Variants in GRIK3 observed in about 807,000 individuals in gnomAD.
GRIK3 encodes the protein glutamate receptor ionotropic, kainate 3.
Under a neutral mutation model 102.5 loss-of-function variants are expected in GRIK3, and 29 were observed. The observed-to-expected ratio is 0.28, with a 90% CI of 0.21 to 0.39. The LOEUF is 0.39. GRIK3 is among the 10% of genes least tolerant of loss of function. The pLI is 1.00. For synonymous variants in GRIK3, 511 were observed against 504.9 expected, an observed-to-expected ratio of 1.01 and a Z score of -0.16; for missense variants, 908 against 1,252.4, an observed-to-expected ratio of 0.73 and a Z score of 4.15.
intron 1 of GRIK3, among the ~76,000 whole-genome samples, chr1:36,948,130 C>T (rs1320547381): frequency 6.6e-6 from 1 of 152,108 alleles, no homozygotes; most frequent in Non-Finnish European, 1.5e-5. Flanking sequence ...CCCCATGCAA[C>T]ACCTGGTATC....
intron 11 of GRIK3, among the ~76,000 whole-genome samples, chr1:36,823,433 C>T (rs1438756442): frequency 7.7e-6 from 1 of 130,674 alleles, no homozygotes; most frequent in Non-Finnish European, 1.5e-5. Flanking sequence ...GAGATCATGC[C>T]ACTGCACTCC....
chr1:36,970,493 T>C (rs928301593), intron 1 of GRIK3, among the ~76,000 whole-genome samples: 2 of 152,208 alleles, frequency 1.3e-5, no homozygotes, highest in Non-Finnish European at 2.9e-5. Flanking sequence ...TTGCCCACCA[T>C]TGGAAGCTCA....
intron 1 of GRIK3, among the ~76,000 whole-genome samples, chr1:36,912,045 C>T (rs568766523): frequency 6.6e-6 from 1 of 152,310 alleles, no homozygotes; most frequent in South Asian, 2.1e-4. Flanking sequence ...TCAGCGTCCA[C>T]TCTTCCAGGC....
intron 1 of GRIK3, among the ~76,000 whole-genome samples, chr1:36,914,065 T>C (rs1641374198): frequency 6.6e-6 from 1 of 152,082 alleles, no homozygotes; most frequent in South Asian, 2.1e-4. Flanking sequence ...ACCAGGGAGG[T>C]CCCACACTGC....
intron 1 of GRIK3, among the ~76,000 whole-genome samples, chr1:36,946,024 G>A (rs751782266): frequency 1.3e-5 from 2 of 152,244 alleles, no homozygotes; most frequent in Non-Finnish European, 2.9e-5. Context: ...CCATGAGAAT[G>A]ACTGACAGAA....
rs74477156 is a variant in GRIK3, at chr1:36,900,207, A to G, written c.116-9111T>C. Reference sequence around the variant, plus strand: ...GAAATCATATAATGTCTACTCTTAGACCACCGTGGAATTAAACTAGAAATC... The same window carrying G: ...GAAATCATATAATGTCTACTCTTAGGCCACCGTGGAATTAAACTAGAAATC... On this transcript the variant is annotated intron_variant, in intron 1 of 15. Transcript: ENST00000373091. Among the ~76,000 whole-genome samples, 811 of 152,312 alleles carry G rather than the reference A, an allele frequency of 5.3e-3. 2 individuals carry two copies. The highest frequency in any genetic ancestry group is 0.019 in the African/African-American group (772 of 41,554).
intron 9 of GRIK3, among the ~76,000 whole-genome samples, chr1:36,843,977 T>G (rs1376720077): frequency 7.2e-5 from 11 of 152,354 alleles, no homozygotes; most frequent in East Asian, 1.9e-4. Context: ...GGATGGGCAG[T>G]GGAAGACCCG....
rs1357537924 is a variant in GRIK3 at position 36,806,634 on chromosome 1, A to C, written c.2092-308T>G. ...ATTTTCTTTCTCTAAAATTTATTAA[A>C]AGTTAGCACGTTCAGGCTTTGTTCT... On this transcript the variant is annotated intron_variant, in intron 13 of 15. Transcript: ENST00000373091. This position sits in a 1 kb window ranked among gnomAD's most constrained non-coding sequence, Gnocchi z 4.0. Among the ~76,000 whole-genome samples, 2 of 152,186 alleles carry C rather than the reference A, an allele frequency of 1.3e-5. No individual in the cohort carries two copies. The highest frequency in any genetic ancestry group is 2.9e-5 in the Non-Finnish European group (2 of 68,030).
chr1:36,997,485 T>C (rs1169631017), intron 1 of GRIK3, among the ~76,000 whole-genome samples: 1 of 152,186 alleles, frequency 6.6e-6, no homozygotes, highest in African/African-American at 2.4e-5. Flanking sequence ...GAGAGGGAGC[T>C]GGCCCCCCTA....
intron 1 of GRIK3, among the ~76,000 whole-genome samples, chr1:37,009,334 C>T (rs959729848): frequency 2.0e-5 from 3 of 152,160 alleles, no homozygotes; most frequent in African/African-American, 4.8e-5. Flanking sequence ...GAAACTGAGG[C>T]CTGGGCAAGC....
chr1:36,814,558 A>G (rs1446764275), intron 13 of GRIK3, among the ~76,000 whole-genome samples: 1 of 139,344 alleles, frequency 7.2e-6, no homozygotes, highest in Non-Finnish European at 1.5e-5. Flanking sequence ...GGGCCATTAT[A>G]CACACATACA....
Position 37,002,322 on chromosome 1 carries a change from G to A in GRIK3, c.115+31672C>T, listed in dbSNP as rs1244798707. On this transcript the variant is annotated intron_variant, in intron 1 of 15. Coordinates refer to ENST00000373091, the MANE Select transcript of GRIK3 (RefSeq NM_000831.4). Reference sequence around the variant, plus strand: ...ATGATGGCTGCTCTAAATTAAATGAGAGTTTCCTCCAACCCAACAACCAGC... The same window carrying A: ...ATGATGGCTGCTCTAAATTAAATGAAAGTTTCCTCCAACCCAACAACCAGC... Among the ~76,000 whole-genome samples, 6 of 152,186 alleles carry A rather than the reference G, an allele frequency of 3.9e-5. 1 individual carries two copies. The highest frequency in any genetic ancestry group is 7.2e-5 in the African/African-American group (3 of 41,450).
At chr1:37,017,549 C>T (rs577030424) in intron 1 of GRIK3, among the ~76,000 whole-genome samples, 13 of 152,170 alleles carry the variant, frequency 8.5e-5, no homozygotes, top group East Asian at 1.9e-4. Context: ...TCAGGGAGCT[C>T]GGAAAACCTG....
intron 9 of GRIK3, among the ~76,000 whole-genome samples, chr1:36,845,308 T>C (rs756104013): frequency 6.6e-6 from 1 of 152,242 alleles, no homozygotes; most frequent in Non-Finnish European, 1.5e-5. Flanking sequence ...CACGCTCTTC[T>C]ATTGCTCTGG....
chr1:36,860,573 G>A (rs116057778), intron 5 of GRIK3, among the ~76,000 whole-genome samples: 35 of 152,300 alleles, frequency 2.3e-4, no homozygotes, highest in East Asian at 7.7e-4. Flanking sequence ...GCTGAGCAGC[G>A]GTCAGCCTGT....
chr1:36,808,486 G>A (rs1394163351), intron 13 of GRIK3, among the ~76,000 whole-genome samples: 2 of 152,238 alleles, frequency 1.3e-5, no homozygotes, highest in African/African-American at 4.8e-5. Flanking sequence ...TGGCTGTCAT[G>A]TTGTGAGTTG....
chr1:37,019,584 C>A (rs979344810), intron 1 of GRIK3, among the ~76,000 whole-genome samples: 1 of 152,146 alleles, frequency 6.6e-6, no homozygotes, highest in Non-Finnish European at 1.5e-5. Context: ...CCACCAAGCC[C>A]AGGAGTGCTG....
chr1:36,956,048 T>A (rs946880253), intron 1 of GRIK3, among the ~76,000 whole-genome samples: 1 of 152,224 alleles, frequency 6.6e-6, no homozygotes, highest in Admixed American at 6.5e-5. Context: ...GAGCGGGGCC[T>A]GTGGGGGCTT....
At chr1:36,867,892 G>A (rs3767054) in intron 5 of GRIK3, among the ~76,000 whole-genome samples, 2,767 of 152,236 alleles carry the variant, frequency 0.018, 88 homozygotes, top group East Asian at 0.087. Context: ...AGGCCGGGGT[G>A]GGGGGTCGTT....
Sources: allele counts gnomAD v4.1 joint callset (sites outside exome capture counted in the v4.1 genomes callset), GRCh38; gene constraint gnomAD v4.1.1; non-coding constraint Gnocchi (gnomAD v3.1); transcripts MANE v1.5; gene names NCBI Gene and HGNC (gene_info 2026-07-23, HGNC 2026-07-21).